LUZP2: variants seen among roughly 807,000 people sequenced by gnomAD.
LUZP2 encodes leucine zipper protein 2.
LUZP2 carries 52 observed loss-of-function variants against 51.6 expected under a neutral mutation model. The ratio of observed to expected loss-of-function variants is 1.01; its 90% CI spans 0.81 to 1.27. LUZP2 has a LOEUF of 1.27. Ranked by LOEUF, LUZP2 falls within the 50% of genes most tolerant of loss-of-function variation. The pLI is 0.00. For missense variants in LUZP2, 436 were observed against 395.4 expected (o/e 1.10, Z -0.87); for synonymous variants, 154 against 137.3 (o/e 1.12, Z -0.85).
At position 24,974,744 on chromosome 11, in the gene LUZP2, C is replaced by T. The variant is rs186437541; in HGVS notation, c.523-1847C>T. On this transcript the variant is annotated intron_variant, in intron 7 of 11. Transcript: ENST00000336930. Reference sequence around the variant, plus strand: ...TCTAAACGATAAGAAGAAAATTATGCTTGGAATTTTAAAGACCTTACAATA... The same window carrying T: ...TCTAAACGATAAGAAGAAAATTATGTTTGGAATTTTAAAGACCTTACAATA... Among the ~76,000 whole-genome samples, 284 of 151,658 alleles carry T rather than the reference C, an allele frequency of 1.9e-3. 1 individual carries two copies. Among genetic ancestry groups the T allele is most frequent in the Non-Finnish European group, 3.2e-3 (219 of 67,924 alleles).
chr11:24,706,642 A>G (rs1003256124), intron 1 of LUZP2, among the ~76,000 whole-genome samples: 1 of 152,254 alleles, frequency 6.6e-6, no homozygotes, highest in East Asian at 1.9e-4. Flanking sequence ...TGAGGGTGGG[A>G]CGCGAAGGTG....
chr11:24,933,153 G>A (rs1034686609), intron 7 of LUZP2, among the ~76,000 whole-genome samples: 1 of 152,132 alleles, frequency 6.6e-6, no homozygotes, highest in Non-Finnish European at 1.5e-5. Context: ...TCACACTTTC[G>A]GTGCTCAGAG....
chr11:24,855,355 A>G (rs1403758706), intron 5 of LUZP2, among the ~76,000 whole-genome samples: 1 of 152,162 alleles, frequency 6.6e-6, no homozygotes, highest in African/African-American at 2.4e-5. Context: ...AAACAACTCA[A>G]GAAACCAATT....
intron 1 of LUZP2, among the ~76,000 whole-genome samples, chr11:24,676,872 G>A (rs1856572995): frequency 6.6e-6 from 1 of 151,912 alleles, no homozygotes; most frequent in African/African-American, 2.4e-5. Context: ...TCTCCATGTT[G>A]GCTAGGCTGG....
chr11:24,765,141 A>G (rs1860133461), intron 5 of LUZP2, among the ~76,000 whole-genome samples: 1 of 152,230 alleles, frequency 6.6e-6, no homozygotes, highest in Non-Finnish European at 1.5e-5. Context: ...ACTCCTTTAT[A>G]TCAAATTATT....
chr11:24,620,068 T>C (rs1181485173), intron 1 of LUZP2, among the ~76,000 whole-genome samples: 1 of 152,194 alleles, frequency 6.6e-6, no homozygotes, highest in Non-Finnish European at 1.5e-5. Context: ...ATGCCAGACG[T>C]ACTTTGTGGA....
chr11:24,618,411 C>T (rs1052186210), intron 1 of LUZP2, among the ~76,000 whole-genome samples: 4 of 152,234 alleles, frequency 2.6e-5, no homozygotes, highest in Non-Finnish European at 5.9e-5. Context: ...GGAGGTCAGA[C>T]TGCCTACTGG....
intron 7 of LUZP2, among the ~76,000 whole-genome samples, chr11:24,947,235 A>G (rs1443008733): frequency 6.6e-6 from 1 of 151,998 alleles, no homozygotes; most frequent in East Asian, 1.9e-4. Context: ...AAGAGAAAAT[A>G]TATTTACCCT....
intron 5 of LUZP2, among the ~76,000 whole-genome samples, chr11:24,824,593 G>A (rs1391831161): frequency 6.6e-6 from 1 of 151,646 alleles, no homozygotes; most frequent in East Asian, 1.9e-4. Flanking sequence ...TTGTTCACAT[G>A]GTTGTAGAAT....
At position 24,738,308 on chromosome 11, in the gene LUZP2, T is replaced by A. The variant is rs1437367818; in HGVS notation, c.333+6T>A. 1 of 1,607,896 alleles carries A rather than the reference T, an allele frequency of 6.2e-7. No individual in the cohort carries two copies. The highest frequency in any genetic ancestry group is 8.5e-7 in the Non-Finnish European group (1 of 1,175,662). On this transcript the variant is annotated splice_donor_region_variant and intron_variant, in intron 4 of 11. Transcript: ENST00000336930. The stretch of plus-strand genomic sequence containing the variant: ...CAGAAAAACACCAGGCTACTGTAAG[T>A]GTGTTTCTTCTTTGTGCCTTTTGCT...
At chr11:24,920,577 A>C (rs1384308548) in intron 7 of LUZP2, among the ~76,000 whole-genome samples, 1 of 152,090 alleles carries the variant, frequency 6.6e-6, no homozygotes, top group Non-Finnish European at 1.5e-5. Flanking sequence ...AATGTGGCAT[A>C]TGTACACATA....
At chr11:24,543,878 G>A in intron 1 of LUZP2, among the ~76,000 whole-genome samples, 1 of 148,020 alleles carries the variant, frequency 6.8e-6, no homozygotes, top group East Asian at 2.0e-4. Context: ...TTTCCGGGTA[G>A]CTATATTTAG....
chr11:24,881,533 G>T (rs899722497), intron 5 of LUZP2, among the ~76,000 whole-genome samples: 6 of 151,852 alleles, frequency 4.0e-5, no homozygotes, highest in African/African-American at 1.5e-4. Flanking sequence ...TGAGCCACTT[G>T]AATAATCAGA....
At chr11:24,826,774 T>C (rs750229998) in intron 5 of LUZP2, among the ~76,000 whole-genome samples, 3 of 152,140 alleles carry the variant, frequency 2.0e-5, no homozygotes, top group Non-Finnish European at 4.4e-5. Context: ...TCTAAGGCAG[T>C]AAATGAAAAA....
intron 5 of LUZP2, among the ~76,000 whole-genome samples, chr11:24,854,222 CTGTCCCTT>C (rs1439043658): frequency 2.0e-5 from 3 of 152,224 alleles, no homozygotes; most frequent in Non-Finnish European, 2.9e-5. Context: ...GCGCCCACAG[CTGTCCCTT>C]CACCCAGGTG....
chr11:24,838,629 G>C (rs1206683237), intron 5 of LUZP2, among the ~76,000 whole-genome samples: 1 of 151,576 alleles, frequency 6.6e-6, no homozygotes, highest in Non-Finnish European at 1.5e-5. Context: ...ATAATTTTAA[G>C]TTTTATTTGG....
Position 24,660,403 on chromosome 11 carries a change from G to A in LUZP2, c.63-68766G>A, listed in dbSNP as rs183612601. On this transcript the variant is annotated intron_variant, in intron 1 of 11. Transcript: ENST00000336930. The stretch of plus-strand genomic sequence containing the variant: ...TATAATGTGATGTGAAAATATCTGT[G>A]TTTTTCTATTTGTAATGAAGTCACA... Among the ~76,000 whole-genome samples the A allele has an allele frequency of 5.9e-5, 9 of 152,190 alleles. No individual in the cohort carries two copies. The East Asian group carries it at 1.7e-3, about 29-fold the overall frequency.
intron 5 of LUZP2, among the ~76,000 whole-genome samples, chr11:24,765,294 A>T (rs1860139133): frequency 1.3e-5 from 2 of 152,194 alleles, no homozygotes; most frequent in Admixed American, 1.3e-4. Context: ...AAAACAGGTA[A>T]ATTGATTAAA....
intron 7 of LUZP2, among the ~76,000 whole-genome samples, chr11:24,944,378 A>T (rs1854843746): frequency 6.6e-6 from 1 of 152,236 alleles, no homozygotes; most frequent in Non-Finnish European, 1.5e-5. Flanking sequence ...ACAATACATT[A>T]TAAAACTTTC....
Sources: allele counts gnomAD v4.1 joint callset (sites outside exome capture counted in the v4.1 genomes callset), GRCh38; gene constraint gnomAD v4.1.1; transcripts MANE v1.5; gene names NCBI Gene and HGNC (gene_info 2026-07-23, HGNC 2026-07-21).